The following MARCHF4 variants were observed in gnomAD, a reference collection of about 807,000 sequenced individuals.
MARCHF4 encodes the protein E3 ubiquitin-protein ligase MARCHF4.
A neutral mutation model predicts 43.9 loss-of-function variants in MARCHF4; 14 were observed. The ratio of observed to expected loss-of-function variants is 0.32; its 90% confidence interval spans 0.21 to 0.50. The LOEUF (loss-of-function observed/expected upper bound fraction) is 0.50, where lower values mean the gene tolerates loss of function less well. Among genes scored for constraint, MARCHF4 ranks in the 20% least tolerant of loss-of-function variants. The pLI is 0.98. For missense variants in MARCHF4, 468 were observed against 536.7 expected (o/e 0.87, Z 1.27); for synonymous variants, 226 against 213.3 (o/e 1.06, Z -0.52).
intron 1 of MARCHF4, among the ~76,000 whole-genome samples, chr2:216,300,356 A>ACGTATATATATACGTATATATATATGTG (rs1252240200): frequency 7.0e-6 from 1 of 142,668 alleles, no homozygotes; most frequent in African/African-American, 2.9e-5. Context: ...ATATGTATAT[A>ACGTATATATATACGTATATATATATGTG]TATATATATA....
chr2:216,304,278 A>G (rs555335524), intron 1 of MARCHF4, among the ~76,000 whole-genome samples: 7 of 152,348 alleles, frequency 4.6e-5, no homozygotes, highest in Middle Eastern at 3.4e-3. Flanking sequence ...TAGGTATTGA[A>G]AAGGAGCATC....
At chr2:216,335,259 C>T (rs554296569) in intron 1 of MARCHF4, among the ~76,000 whole-genome samples, 154 of 152,232 alleles carry the variant, frequency 1.0e-3, no homozygotes, top group African/African-American at 3.4e-3. Flanking sequence ...AGGGCAGAAA[C>T]CATCAGAAGG....
At chr2:216,275,691 T>C (rs1691008127) in intron 3 of MARCHF4, among the ~76,000 whole-genome samples, 1 of 152,224 alleles carries the variant, frequency 6.6e-6, no homozygotes, top group Admixed American at 6.5e-5. Context: ...AGCAGGCATT[T>C]ATGCTCCTCT....
chr2:216,330,206 T>C (rs879570942), intron 1 of MARCHF4, among the ~76,000 whole-genome samples: 4 of 152,216 alleles, frequency 2.6e-5, no homozygotes, highest in Non-Finnish European at 4.4e-5. Flanking sequence ...ATTAATGCTG[T>C]AATGAATGAA....
chr2:216,334,657 T>A (rs1426854335), intron 1 of MARCHF4, among the ~76,000 whole-genome samples: 1 of 152,148 alleles, frequency 6.6e-6, no homozygotes, highest in African/African-American at 2.4e-5. Context: ...CACCTCAGCC[T>A]CCCAAAGCAC....
chr2:216,369,306 C>T (rs1692715330), intron 1 of MARCHF4, among the ~76,000 whole-genome samples: 1 of 152,196 alleles, frequency 6.6e-6, no homozygotes, highest in Non-Finnish European at 1.5e-5. Context: ...GAAAAGAGAA[C>T]AAGATCTCGG....
intron 1 of MARCHF4, among the ~76,000 whole-genome samples, chr2:216,331,644 G>C (rs141296131): frequency 6.6e-6 from 1 of 152,250 alleles, no homozygotes; most frequent in African/African-American, 2.4e-5. Context: ...GGACTAAGCG[G>C]ATTTGTTCAA....
intron 1 of MARCHF4, among the ~76,000 whole-genome samples, chr2:216,332,901 T>G: frequency 6.6e-6 from 1 of 152,178 alleles, no homozygotes; most frequent in South Asian, 2.1e-4. Flanking sequence ...TGTGAAATGG[T>G]AGGGTGGTGA....
intron 3 of MARCHF4, among the ~76,000 whole-genome samples, chr2:216,264,655 G>A (rs977285636): frequency 3.9e-5 from 6 of 152,128 alleles, no homozygotes; most frequent in African/African-American, 1.2e-4. Flanking sequence ...AGAGAAGTGG[G>A]ATCTTCTGAA....
chr2:216,291,819 A>G (rs1691311423), intron 1 of MARCHF4, among the ~76,000 whole-genome samples: 1 of 152,238 alleles, frequency 6.6e-6, no homozygotes, highest in African/African-American at 2.4e-5. Flanking sequence ...AGTGAAGCTA[A>G]TAACAATTTC....
intron 1 of MARCHF4, among the ~76,000 whole-genome samples, chr2:216,345,444 A>G (rs1692304928): frequency 6.6e-6 from 1 of 152,008 alleles, no homozygotes; most frequent in Non-Finnish European, 1.5e-5. Flanking sequence ...TTGACAGCAC[A>G]GCCTAGCCCA....
intron 3 of MARCHF4, among the ~76,000 whole-genome samples, chr2:216,270,845 G>T (rs1690924348): frequency 6.6e-6 from 1 of 151,866 alleles, no homozygotes; most frequent in Non-Finnish European, 1.5e-5. Flanking sequence ...TACATCCTAA[G>T]TACCTCTCAA....
chr2:216,301,156 G>A (rs1691487049), intron 1 of MARCHF4, among the ~76,000 whole-genome samples: 1 of 152,164 alleles, frequency 6.6e-6, no homozygotes, highest in Non-Finnish European at 1.5e-5. Context: ...ATGGTAGGAG[G>A]TACAGGGAAG....
chr2:216,333,504 G>A (rs1692112386), intron 1 of MARCHF4, among the ~76,000 whole-genome samples: 1 of 152,234 alleles, frequency 6.6e-6, no homozygotes, highest in Non-Finnish European at 1.5e-5. Flanking sequence ...TGCAGAAGCT[G>A]TGGAGACTCT....
intron 2 of MARCHF4, among the ~76,000 whole-genome samples, chr2:216,278,839 C>G (rs759648482): frequency 6.6e-6 from 1 of 152,198 alleles, no homozygotes; most frequent in Non-Finnish European, 1.5e-5. Flanking sequence ...TGAGTTTCAA[C>G]TCTGAAAGTC....
intron 1 of MARCHF4, among the ~76,000 whole-genome samples, chr2:216,341,665 G>C (rs1285154529): frequency 6.6e-6 from 1 of 152,240 alleles, no homozygotes; most frequent in Non-Finnish European, 1.5e-5. Flanking sequence ...ATGGAGGACA[G>C]CAACACCGGT....
At chr2:216,279,348 G>A (rs1691086789) in intron 2 of MARCHF4, among the ~76,000 whole-genome samples, 1 of 152,196 alleles carries the variant, frequency 6.6e-6, no homozygotes, top group South Asian at 2.1e-4. Context: ...AACTGGAAAA[G>A]GAAGAATGAG....
At chr2:216,283,240 C>A (rs1691160776) in intron 2 of MARCHF4, among the ~76,000 whole-genome samples, 2 of 150,868 alleles carry the variant, frequency 1.3e-5, no homozygotes, top group African/African-American at 4.9e-5. Context: ...CTTTCCTTTC[C>A]TTCTTTCTTC....
intron 1 of MARCHF4, among the ~76,000 whole-genome samples, chr2:216,303,072 A>G (rs1691519321): frequency 6.6e-6 from 1 of 152,148 alleles, no homozygotes; most frequent in Non-Finnish European, 1.5e-5. Flanking sequence ...TTGAGGAATA[A>G]AACATCCTGG....
Sources: gnomAD v4.1 joint callset for allele counts (sites outside exome capture counted in the v4.1 genomes callset) on GRCh38, gnomAD v4.1.1 for gene constraint, MANE v1.5 for transcripts, NCBI Gene and HGNC (gene_info 2026-07-23, HGNC 2026-07-21) for gene names.